FBN1: variants seen among roughly 807,000 people sequenced by gnomAD.
The protein encoded by FBN1 is fibrillin-1.
Under a neutral mutation model 365.1 loss-of-function variants are expected in FBN1, and 29 were observed. That is an observed-to-expected ratio of 0.08 (90% CI 0.06 to 0.11). FBN1 has a LOEUF of 0.11. FBN1 is among the 10% of genes least tolerant of loss of function. FBN1 has a pLI of 1.00. For synonymous variants in FBN1, 1,210 were observed against 1,270.5 expected (o/e 0.95, Z 1.01); for missense variants, 2,476 against 3,703.2 (o/e 0.67, Z 8.60).
chr15:48,514,487 G>C (rs1379683255), intron 12 of FBN1, among the ~76,000 whole-genome samples: 1 of 152,116 alleles, frequency 6.6e-6, no homozygotes, highest in East Asian at 1.9e-4. Flanking sequence ...TATAAAAGTA[G>C]AATTCATAAC....
intron 2 of FBN1, among the ~76,000 whole-genome samples, chr15:48,618,878 C>G (rs1407325670): frequency 2.0e-5 from 3 of 152,168 alleles, no homozygotes; most frequent in African/African-American, 7.2e-5. Context: ...TTATGAGAAT[C>G]TAATGACTGA....
At chr15:48,444,485 C>T in intron 49 of FBN1, 56 bp downstream of exon 49, 3 of 1,604,974 alleles carry the variant, frequency 1.9e-6, no homozygotes, top group South Asian at 1.1e-5. Context: ...TCTCATTCTG[C>T]TAAGTCCAGT....
chr15:48,565,297 C>T (rs986737545), intron 6 of FBN1, among the ~76,000 whole-genome samples: 2 of 151,878 alleles, frequency 1.3e-5, no homozygotes, highest in African/African-American at 4.9e-5. Context: ...TAATTTTATA[C>T]TTGTGGTCTT....
rs1229052328 is a variant in FBN1, at chr15:48,474,295, C to T, written c.4170G>A (p.Leu1390=). The change falls in exon 34 of 66, where the codon CTG becomes CTA. Residue 1390 remains leucine (L), a synonymous_variant. Transcript: ENST00000316623. ...CATCACCTGTGTATCCTTCCTTGCA[C>T]AGACAGCGGTAAGATCCCATGGTAT... ...CKNTMGSYRC[L]CKEGYTGDGF... 5 of 1,614,154 alleles carry T rather than the reference C, an allele frequency of 3.1e-6. No homozygotes were observed. The East Asian group carries it at 8.9e-5, about 29-fold the overall frequency.
At chr15:48,620,985 A>C (rs1889755253) in intron 2 of FBN1, among the ~76,000 whole-genome samples, 1 of 152,254 alleles carries the variant, frequency 6.6e-6, no homozygotes, top group Non-Finnish European at 1.5e-5. Flanking sequence ...AGGGACACAG[A>C]AGCCAAATGA....
chr15:48,525,244 G>A (rs548402521), intron 9 of FBN1, among the ~76,000 whole-genome samples: 1 of 151,960 alleles, frequency 6.6e-6, no homozygotes, highest in African/African-American at 2.4e-5. Flanking sequence ...CCGCCACGAC[G>A]CCTGGCAAAT....
chr15:48,614,686 G>A (rs1056019568), intron 2 of FBN1, among the ~76,000 whole-genome samples: 17 of 152,184 alleles, frequency 1.1e-4, no homozygotes, highest in African/African-American at 4.1e-4. Context: ...TTGGATAGAG[G>A]TGAAATATGT....
At chr15:48,430,609 G>A (rs1372341815) in intron 56 of FBN1, 62 bp downstream of exon 56, 13 of 1,599,124 alleles carry the variant, frequency 8.1e-6, no homozygotes, top group Non-Finnish European at 1.1e-5. Context: ...CAGAGCCCAG[G>A]TTCCTTCTGT....
chr15:48,415,449 C>A, intron 64 of FBN1, 87 bp downstream of exon 64: 1 of 1,039,954 alleles, frequency 9.6e-7, no homozygotes, highest in Non-Finnish European at 1.5e-6. Flanking sequence ...TTCTCCTCTG[C>A]TAGGACAGGT....
intron 64 of FBN1, 110 bp downstream of exon 64, chr15:48,415,426 A>T: frequency 1.2e-6 from 1 of 856,694 alleles, no homozygotes; most frequent in Non-Finnish European, 1.9e-6. Flanking sequence ...TTTTAGGATT[A>T]CAAAAAGCAT....
At chr15:48,567,438 AT>A (rs2044265805) in intron 6 of FBN1, among the ~76,000 whole-genome samples, 2 of 152,170 alleles carry the variant, frequency 1.3e-5, no homozygotes, top group Non-Finnish European at 2.9e-5. Flanking sequence ...TTTAAAAAAA[AT>A]AAATTGGCTC....
intron 46 of FBN1, among the ~76,000 whole-genome samples, chr15:48,448,221 A>G (rs1253221863): frequency 6.6e-6 from 1 of 152,190 alleles, no homozygotes; most frequent in Non-Finnish European, 1.5e-5. Context: ...AAAGTAGAAA[A>G]ATAAAGGAAG....
chr15:48,472,462 A>T, intron 35 of FBN1, 89 bp downstream of exon 35: 1 of 1,174,422 alleles, frequency 8.5e-7, no homozygotes, highest in Non-Finnish European at 1.1e-6. Flanking sequence ...TCAGTTTAAA[A>T]AAAAAAAAAA....
chr15:48,503,958 C>T lies in FBN1; in HGVS notation c.1961-19G>A. ...TGTGTGTCTAAACAGGAAGAAGCAT[C>T]TGTCATCACACTGTCACTTCAAACA... On this transcript the variant is annotated intron_variant, in intron 16 of 65. Coordinates refer to ENST00000316623, the MANE Select transcript of FBN1 (RefSeq NM_000138.5). 6.2e-7 allele frequency: 1 copy of T among 1,613,894 alleles called. No homozygotes were observed.
At chr15:48,419,509 C>T (rs2042924618) in intron 63 of FBN1, among the ~76,000 whole-genome samples, 3 of 152,108 alleles carry the variant, frequency 2.0e-5, no homozygotes, top group Admixed American at 6.6e-5. Context: ...AAATCAAAGA[C>T]CTCCCTGAGC....
intron 4 of FBN1, among the ~76,000 whole-genome samples, chr15:48,602,788 G>A (rs1271458459): frequency 2.0e-5 from 3 of 152,122 alleles, no homozygotes; most frequent in Non-Finnish European, 4.4e-5. Context: ...ATGATTTAGT[G>A]AAAACTTTGA....
chr15:48,524,615 A>T lies in FBN1; in HGVS notation c.988+1515T>A, dbSNP rs17460049. On this transcript the variant is annotated intron_variant, in intron 9 of 65. Transcript: ENST00000316623. ...GGCTTGCCTAGGGATCTGGCAAGAA[A>T]GAGTGAACTGCATCCAGAGTTGAGG... 5.2e-3 allele frequency among the ~76,000 whole-genome samples: 793 copies of T among 152,194 alleles called. 5 individuals are homozygous for T. The highest frequency in any genetic ancestry group is 0.034 in the Middle Eastern group (10 of 294).
At chr15:48,552,510 G>A (rs1414861166) in intron 6 of FBN1, among the ~76,000 whole-genome samples, 1 of 151,410 alleles carries the variant, frequency 6.6e-6, no homozygotes, top group Non-Finnish European at 1.5e-5. Flanking sequence ...GGGCTCAAGC[G>A]ATCCTCCCAC....
chr15:48,530,790 C>T (rs1019083923), intron 8 of FBN1, among the ~76,000 whole-genome samples: 2 of 152,070 alleles, frequency 1.3e-5, no homozygotes, highest in Non-Finnish European at 1.5e-5. Context: ...TTTTGGCTCA[C>T]ATATTATGGA....
Sources: gnomAD v4.1 joint callset for allele counts (sites outside exome capture counted in the v4.1 genomes callset) on GRCh38, gnomAD v4.1.1 for gene constraint, MANE v1.5 for transcripts, NCBI Gene and HGNC (gene_info 2026-07-23, HGNC 2026-07-21) for gene names.